Variants in LPL observed in about 807,000 individuals in gnomAD.
LPL encodes the protein phospholipase A1.
A neutral mutation model predicts 52.2 loss-of-function variants in LPL; 43 were observed. The observed-to-expected ratio is 0.82, with a 90% confidence interval of 0.64 to 1.06. The LOEUF is 1.06. LPL is among the 50% of genes least tolerant of loss of function. The pLI is 0.00. For missense variants in LPL, 639 were observed against 585.3 expected (o/e 1.09, Z -0.95); for synonymous variants, 244 against 215.6 (o/e 1.13, Z -1.15).
At chr8:19,957,518 A>G (rs983386205) in intron 6 of LPL, among the ~76,000 whole-genome samples, 2 of 152,204 alleles carry the variant, frequency 1.3e-5, no homozygotes, top group African/African-American at 2.4e-5. Context: ...GAAGACACAG[A>G]CAGGCTTCAC....
chr8:19,958,747 G>C (rs1156851173), intron 6 of LPL, among the ~76,000 whole-genome samples: 1 of 152,118 alleles, frequency 6.6e-6, no homozygotes, highest in Non-Finnish European at 1.5e-5. Flanking sequence ...GATGGTGGGG[G>C]AATTAAGAGC....
intron 9 of LPL, among the ~76,000 whole-genome samples, chr8:19,962,499 G>A (rs2070048841): frequency 6.6e-6 from 1 of 152,090 alleles, no homozygotes; most frequent in Non-Finnish European, 1.5e-5. Flanking sequence ...AACTACCCCT[G>A]AATCTTCACT....
rs962468270 is a variant in LPL, at chr8:19,951,833, A to C, written c.314A>C (p.Asp105Ala). ...LVAALYKREP[D>A]SNVIVVDWLS... is the part of the protein sequence containing the mutation. ...GCCGCCCTGTACAAGAGAGAACCAG[A>C]CTCCAATGTCATTGTGGTGGACTGG... The change falls in exon 3 of 10, where the codon GAC (aspartate) becomes GCC (alanine). Residue 105 changes from aspartate (D) to alanine (A), a missense_variant. Coordinates refer to ENST00000650287, the MANE Select transcript of LPL (RefSeq NM_000237.3). The C allele has an allele frequency of 1.5e-5, 25 of 1,613,852 alleles. No individual in the cohort carries two copies. Among genetic ancestry groups the C allele is most frequent in the South Asian group, 3.3e-5 (3 of 91,070 alleles).
rs1197099147 is a variant in LPL at position 19,966,616 on chromosome 8, C to G, written c.*1306C>G. The G allele has an allele frequency of 6.6e-6, 1 of 152,186 alleles. No homozygotes were observed. The highest frequency in any genetic ancestry group is 1.5e-5 in the Non-Finnish European group (1 of 68,042). The allele number at this position is 152,186 out of a possible 1,614,324, so 9.4% of individuals were successfully genotyped here. A position where few individuals can be genotyped will look rare whatever the true frequency, so the allele number is the denominator to read the frequency against. On this transcript the variant is annotated 3_prime_UTR_variant, in exon 10 of 10. Transcript: ENST00000650287. The stretch of plus-strand genomic sequence containing the variant: ...ACCCGACTGTGAAAGTATGTGATAT[C>G]TGAACACATACTAGAAAGCTCTGCA...
In LPL at chr8:19,944,860, T is replaced by TC. The variant is rs1264921763; in HGVS notation, c.89-3316dup. On this transcript the variant is annotated intron_variant, in intron 1 of 9. Coordinates refer to ENST00000650287, the MANE Select transcript of LPL (RefSeq NM_000237.3). This position sits in a 1 kb window ranked among gnomAD's most constrained non-coding sequence, Gnocchi z 4.2. ...ATAACTTGCGTGTTACCCAAAACTC[T>TC]CCCCTAAGGGCTTAATATGGACATT... 6.6e-6 allele frequency among the ~76,000 whole-genome samples: 1 copy of TC among 152,206 alleles called. No individual in the cohort carries two copies. Among genetic ancestry groups the TC allele is most frequent in the African/African-American group, 2.4e-5 (1 of 41,456 alleles).
intron 6 of LPL, among the ~76,000 whole-genome samples, chr8:19,958,488 G>C (rs939247137): frequency 1.3e-5 from 2 of 152,140 alleles, no homozygotes; most frequent in Non-Finnish European, 2.9e-5. Flanking sequence ...GCTGTCCCTA[G>C]TATAGAATAC....
At chr8:19,958,121 C>T (rs759764829) in intron 6 of LPL, among the ~76,000 whole-genome samples, 17 of 151,876 alleles carry the variant, frequency 1.1e-4, no homozygotes, top group Non-Finnish European at 2.2e-4. Flanking sequence ...CCGGTTCAAG[C>T]GATTCTCCTG....
chr8:19,958,050 C>T (rs972232227), intron 6 of LPL, among the ~76,000 whole-genome samples: 3 of 151,270 alleles, frequency 2.0e-5, no homozygotes, highest in South Asian at 2.1e-4. Context: ...GACACAGTCT[C>T]GCTCAGTTAC....
intron 9 of LPL, 35 bp from the exon 10 acceptor site, chr8:19,965,275 T>C (rs767841913): frequency 2.6e-6 from 2 of 780,504 alleles, no homozygotes; most frequent in African/African-American, 1.7e-5. Context: ...ACTCAGAAGA[T>C]AATAAATTGC....
chr8:19,940,544 T>A (rs2069828844), intron 1 of LPL, among the ~76,000 whole-genome samples: 1 of 152,252 alleles, frequency 6.6e-6, no homozygotes, highest in Non-Finnish European at 1.5e-5. Context: ...GGCAGCCTGC[T>A]TAATTCGAAC....
intron 6 of LPL, among the ~76,000 whole-genome samples, chr8:19,958,097 G>A (rs547078220): frequency 1.3e-5 from 2 of 151,880 alleles, no homozygotes; most frequent in African/African-American, 2.4e-5. Context: ...TTAGCTCACT[G>A]CAACCTCTGC....
At chr8:19,961,205 G>T in intron 8 of LPL, 122 bp downstream of exon 8, 4 of 501,996 alleles carry the variant, frequency 8.0e-6, no homozygotes, top group East Asian at 4.1e-5. Flanking sequence ...ATTTATTACT[G>T]TATGATGTAG....
Position 19,954,464 on chromosome 8 carries a change from C to T in LPL, c.775+111C>T. On this transcript the variant is annotated intron_variant, in intron 5 of 9. Transcript: ENST00000650287. ...TGTAGTTTTCATATACACATTTGGC[C>T]AAATTATGTTTCTGAAGAATTCTGC... is the stretch of plus-strand genomic sequence containing the variant. 3.8e-6 allele frequency: 4 copies of T among 1,056,594 alleles called. No homozygotes were observed. The South Asian group carries it at 5.5e-5, about 15-fold the overall frequency. 65.5% of individuals were successfully genotyped at this position (1,056,594 alleles called of 1,614,324 possible). A position where few individuals can be genotyped will look rare whatever the true frequency, so the allele number is the denominator to read the frequency against.
In LPL at chr8:19,944,247, A is replaced by T. The variant is rs1402998331; in HGVS notation, c.89-3933A>T. ...GCTGCATGTTAGAGAAGTCAAGAGC[A>T]TTACTTACGTTAGAATATCTGAACA... On this transcript the variant is annotated intron_variant, in intron 1 of 9. Transcript: ENST00000650287. The surrounding 1 kb of genome is among the most constrained non-coding windows in gnomAD (Gnocchi z 4.2). Among the ~76,000 whole-genome samples, 1 of 152,194 alleles carries T rather than the reference A, an allele frequency of 6.6e-6. No homozygotes were observed. Among genetic ancestry groups the T allele is most frequent in the East Asian group, 1.9e-4 (1 of 5,188 alleles).
chr8:19,948,038 G>C, intron 1 of LPL, 142 bp from the exon 2 acceptor site: 1 of 797,928 alleles, frequency 1.3e-6, no homozygotes, highest in East Asian at 2.6e-5. Flanking sequence ...TTGTTCTCTT[G>C]CAATCCACAT....
chr8:19,946,443 C>T (rs991890484), intron 1 of LPL: 1 of 167,182 alleles, frequency 6.0e-6, no homozygotes. Context: ...AAAATGTTGG[C>T]CAATCCTCAG....
chr8:19,957,423 G>A (rs915510447), intron 6 of LPL, among the ~76,000 whole-genome samples: 3 of 152,168 alleles, frequency 2.0e-5, no homozygotes, highest in African/African-American at 7.2e-5. Flanking sequence ...TAGAGGTTGA[G>A]GCACCTGTGC....
intron 3 of LPL, 47 bp downstream of exon 3, chr8:19,951,995 A>G: frequency 6.2e-7 from 1 of 1,604,974 alleles, no homozygotes; most frequent in Non-Finnish European, 8.5e-7. Context: ...AGTGTTTTTG[A>G]CTGGAGCCAG....
intron 8 of LPL, among the ~76,000 whole-genome samples, chr8:19,961,534 A>C (rs1269368672): frequency 6.6e-6 from 1 of 152,172 alleles, no homozygotes; most frequent in Non-Finnish European, 1.5e-5. Flanking sequence ...CCATAAAATG[A>C]ATTACACAGA....
Sources: allele counts gnomAD v4.1 joint callset (sites outside exome capture counted in the v4.1 genomes callset), GRCh38; gene constraint gnomAD v4.1.1; non-coding constraint Gnocchi (gnomAD v3.1); transcripts MANE v1.5; gene names NCBI Gene and HGNC (gene_info 2026-07-23, HGNC 2026-07-21).